The following LIPI variants were observed in gnomAD, a reference collection of about 807,000 sequenced individuals.
LIPI encodes lipase member I.
A neutral mutation model predicts 50.6 loss-of-function variants in LIPI; 59 were observed. The ratio of observed to expected loss-of-function variants is 1.16; its 90% confidence interval spans 0.94 to 1.45. LIPI has a LOEUF of 1.45. Among genes scored for constraint, LIPI ranks in the 40% most tolerant of loss-of-function variants. LIPI has a pLI of 0.00. For synonymous variants in LIPI, 203 were observed against 178.2 expected, an observed-to-expected ratio of 1.14 and a Z score of -1.11; for missense variants, 586 against 536.3, an observed-to-expected ratio of 1.09 and a Z score of -0.92.
In LIPI at chr21:14,169,197, A is replaced by G. The variant is rs1410832070; in HGVS notation, c.644-2746T>C. ...ATGTATATGCACCCAATACAGGAGC[A>G]TCCAGATTCATAAAGCAAGTCCTGA... On this transcript the variant is annotated intron_variant, in intron 4 of 9. Coordinates refer to ENST00000681601, the MANE Select transcript of LIPI (RefSeq NM_001302998.2). Among the ~76,000 whole-genome samples the G allele has an allele frequency of 2.0e-5, 3 of 152,210 alleles. No individual in the cohort carries two copies. In the East Asian group the frequency reaches 5.8e-4, roughly 29 times the overall value.
chr21:14,148,991 C>T (rs1421106232), intron 8 of LIPI, among the ~76,000 whole-genome samples: 1 of 152,154 alleles, frequency 6.6e-6, no homozygotes, highest in Admixed American at 6.5e-5. Flanking sequence ...AGTTTCTTTG[C>T]CTTCTGAACA....
In LIPI at chr21:14,135,105, T is replaced by C. The variant is rs987155642; in HGVS notation, c.1295+9518A>G. 4.0e-5 allele frequency among the ~76,000 whole-genome samples: 6 copies of C among 151,870 alleles called. No homozygotes were observed. In the East Asian group the frequency reaches 7.7e-4, roughly 20 times the overall value. Reference sequence around the variant, plus strand: ...AACAGCTCAAAAAGCAAAATAATAATCCAATTAAAAAGTGGGCGAGGACAT... The same window carrying C: ...AACAGCTCAAAAAGCAAAATAATAACCCAATTAAAAAGTGGGCGAGGACAT... On this transcript the variant is annotated intron_variant, in intron 9 of 9. Coordinates refer to ENST00000681601, the MANE Select transcript of LIPI (RefSeq NM_001302998.2).
chr21:14,134,123 T>C (rs985301559), intron 9 of LIPI, among the ~76,000 whole-genome samples: 1 of 152,082 alleles, frequency 6.6e-6, no homozygotes, highest in Non-Finnish European at 1.5e-5. Context: ...CCCAGCTACT[T>C]GGGAGGCTGA....
chr21:14,161,906 T>C (rs1380896669), intron 7 of LIPI, among the ~76,000 whole-genome samples: 1 of 136,276 alleles, frequency 7.3e-6, no homozygotes, highest in African/African-American at 2.7e-5. Flanking sequence ...TATAGATATA[T>C]AACATATAGA....
At chr21:14,139,146 T>C (rs993105567) in intron 9 of LIPI, among the ~76,000 whole-genome samples, 6 of 152,086 alleles carry the variant, frequency 3.9e-5, no homozygotes, top group Non-Finnish European at 8.8e-5. Flanking sequence ...TTGGGGATTA[T>C]TAGAGTATTT....
intron 9 of LIPI, among the ~76,000 whole-genome samples, chr21:14,115,126 T>G (rs1318599865): frequency 6.6e-6 from 1 of 151,956 alleles, no homozygotes. Flanking sequence ...CCCCCCATAG[T>G]CTAAGTTAGA....
chr21:14,149,053 G>T (rs538196093), intron 8 of LIPI, among the ~76,000 whole-genome samples: 22 of 152,224 alleles, frequency 1.4e-4, no homozygotes, highest in African/African-American at 4.8e-4. Context: ...TTTGAATTTA[G>T]ATACTGTATT....
intron 4 of LIPI, among the ~76,000 whole-genome samples, chr21:14,167,527 A>T (rs1429713742): frequency 6.6e-6 from 1 of 152,184 alleles, no homozygotes; most frequent in Admixed American, 6.5e-5. Flanking sequence ...CTTCCAGAGG[A>T]ATGATCAGAC....
intron 4 of LIPI, among the ~76,000 whole-genome samples, chr21:14,171,168 T>C (rs891276967): frequency 2.0e-5 from 3 of 151,130 alleles, no homozygotes; most frequent in Non-Finnish European, 3.0e-5. Context: ...GGGATGTGAT[T>C]GACCTCTTCA....
At chr21:14,165,027 C>A (rs757160834) in intron 6 of LIPI, among the ~76,000 whole-genome samples, 196 bp downstream of exon 6, 7 of 152,106 alleles carry the variant, frequency 4.6e-5, no homozygotes, top group Non-Finnish European at 1.0e-4. Flanking sequence ...ATGTTCTTCT[C>A]TTTAAATATA....
At chr21:14,200,458 AC>A (rs1322081103) in intron 1 of LIPI, among the ~76,000 whole-genome samples, 1 of 152,056 alleles carries the variant, frequency 6.6e-6, no homozygotes, top group Non-Finnish European at 1.5e-5. Context: ...CTATACACCA[AC>A]AAAGTCAAGC....
intron 9 of LIPI, among the ~76,000 whole-genome samples, chr21:14,125,402 GAAT>G (rs1164503623): frequency 1.3e-5 from 2 of 152,030 alleles, no homozygotes; most frequent in Non-Finnish European, 2.9e-5. Flanking sequence ...AATAATAAAA[GAAT>G]AATAATTAGC....
chr21:14,124,391 T>G (rs986284531), intron 9 of LIPI, among the ~76,000 whole-genome samples: 1 of 152,126 alleles, frequency 6.6e-6, no homozygotes, highest in Non-Finnish European at 1.5e-5. Flanking sequence ...CTAAGTGTAG[T>G]GTAGCAACCT....
chr21:14,195,810 C>T (rs2019824030), intron 1 of LIPI, among the ~76,000 whole-genome samples: 1 of 151,946 alleles, frequency 6.6e-6, no homozygotes, highest in African/African-American at 2.4e-5. Context: ...AGACATTTTA[C>T]AAAAGATGGC....
chr21:14,111,555 T>C (rs942456536), intron 9 of LIPI, among the ~76,000 whole-genome samples: 2 of 152,132 alleles, frequency 1.3e-5, no homozygotes, highest in African/African-American at 4.8e-5. Context: ...CTTACCTCTG[T>C]TAATTATTTC....
At chr21:14,136,233 G>T (rs1469174356) in intron 9 of LIPI, among the ~76,000 whole-genome samples, 1 of 152,130 alleles carries the variant, frequency 6.6e-6, no homozygotes, top group Admixed American at 6.5e-5. Context: ...GGACAAAACT[G>T]CTACAGGAGG....
At chr21:14,168,567 C>T (rs1233975414) in intron 4 of LIPI, among the ~76,000 whole-genome samples, 1 of 152,198 alleles carries the variant, frequency 6.6e-6, no homozygotes, top group South Asian at 2.1e-4. Flanking sequence ...ATTCAACATT[C>T]TGAAAGGAAA....
intron 7 of LIPI, among the ~76,000 whole-genome samples, chr21:14,161,435 AAT>A (rs1403635820): frequency 7.1e-6 from 1 of 140,380 alleles, no homozygotes; most frequent in Non-Finnish European, 1.5e-5. Context: ...GTATAATATC[AAT>A]ATATATTATA....
At chr21:14,130,898 G>A (rs574175584) in intron 9 of LIPI, among the ~76,000 whole-genome samples, 2 of 152,134 alleles carry the variant, frequency 1.3e-5, no homozygotes, top group African/African-American at 2.4e-5. Context: ...AGAGATCTGA[G>A]AGCCTTCCCA....
Sources: gnomAD v4.1 joint callset for allele counts (sites outside exome capture counted in the v4.1 genomes callset) on GRCh38, gnomAD v4.1.1 for gene constraint, MANE v1.5 for transcripts, NCBI Gene and HGNC (gene_info 2026-07-23, HGNC 2026-07-21) for gene names.